ST6GALNAC3: variants seen among roughly 807,000 people sequenced by gnomAD.
The protein encoded by ST6GALNAC3 is alpha-N-acetylgalactosaminide alpha-2,6-sialyltransferase 3.
In ST6GALNAC3, 25 loss-of-function variants were observed where a neutral mutation model predicts 32.7. That is an observed-to-expected ratio of 0.76 (90% CI 0.56 to 1.07). The LOEUF (loss-of-function observed/expected upper bound fraction) is 1.07. Ranked by LOEUF, ST6GALNAC3 falls within the 50% of genes least tolerant of loss-of-function variation. ST6GALNAC3 has a pLI of 0.00. For missense variants in ST6GALNAC3, 355 were observed against 382.4 expected, an observed-to-expected ratio of 0.93 and a Z score of 0.60; for synonymous variants, 129 against 133.1, an observed-to-expected ratio of 0.97 and a Z score of 0.21.
Position 76,628,704 on chromosome 1 carries a change from C to T in ST6GALNAC3, c.816C>T (p.Ala272=). The change falls in exon 5 of 5, where the codon GCC becomes GCT. Residue 272 remains alanine, a synonymous_variant. Transcript: ENST00000328299. ...ECDEYFLHEH[A]PYGGHRFITE... The stretch of plus-strand genomic sequence containing the variant: ...ATGAATATTTTCTTCATGAACATGC[C>T]CCATATGGGGGTCATAGGTTTATCA... 6.2e-7 allele frequency: 1 copy of T among 1,612,178 alleles called. No homozygotes were observed. Among genetic ancestry groups the T allele is most frequent in the Non-Finnish European group, 8.5e-7 (1 of 1,178,978 alleles).
intron 1 of ST6GALNAC3, among the ~76,000 whole-genome samples, chr1:76,134,894 G>A (rs147586830): frequency 0.017 from 2,533 of 152,330 alleles, 79 homozygotes; most frequent in African/African-American, 0.057. Flanking sequence ...TGTAATCCCA[G>A]CACTTTGGGA....
chr1:76,550,495 T>G (rs1044475048), intron 3 of ST6GALNAC3, among the ~76,000 whole-genome samples: 1 of 152,182 alleles, frequency 6.6e-6, no homozygotes, highest in Admixed American at 6.5e-5. Flanking sequence ...TATGCTTCAG[T>G]GTTCTATTTT....
intron 2 of ST6GALNAC3, among the ~76,000 whole-genome samples, chr1:76,409,511 A>G (rs1021386785): frequency 6.6e-5 from 10 of 150,952 alleles, no homozygotes; most frequent in African/African-American, 2.2e-4. Context: ...AAGAACAAGC[A>G]TGTTTATCAA....
intron 1 of ST6GALNAC3, among the ~76,000 whole-genome samples, chr1:76,115,096 A>G (rs1648369300): frequency 6.6e-6 from 1 of 152,056 alleles, no homozygotes; most frequent in African/African-American, 2.4e-5. Context: ...CATGGTGTGT[A>G]TTTTGTTGTC....
chr1:76,305,021 T>C (rs1482650307), intron 1 of ST6GALNAC3, among the ~76,000 whole-genome samples: 1 of 152,090 alleles, frequency 6.6e-6, no homozygotes, highest in Non-Finnish European at 1.5e-5. Context: ...TGTTCCTGGT[T>C]AGTTAGCACC....
chr1:76,111,907 A>G (rs1451164823), intron 1 of ST6GALNAC3, among the ~76,000 whole-genome samples: 2 of 152,008 alleles, frequency 1.3e-5, no homozygotes, highest in South Asian at 2.1e-4. Flanking sequence ...TTTCTATTCC[A>G]CAAAACCGCC....
At chr1:76,089,226 A>T (rs141959455) in intron 1 of ST6GALNAC3, among the ~76,000 whole-genome samples, 6,855 of 151,798 alleles carry the variant, frequency 0.045, 535 homozygotes, top group African/African-American at 0.16. Context: ...TTATTTATTT[A>T]TTTTTTAGAA....
At chr1:76,169,910 T>A (rs1045477229) in intron 1 of ST6GALNAC3, among the ~76,000 whole-genome samples, 4 of 152,212 alleles carry the variant, frequency 2.6e-5, no homozygotes, top group African/African-American at 9.6e-5. Flanking sequence ...TTTGGAGGAA[T>A]GAAAGCACAC....
chr1:76,305,333 T>A (rs969338213), intron 1 of ST6GALNAC3, among the ~76,000 whole-genome samples: 2 of 152,064 alleles, frequency 1.3e-5, no homozygotes, highest in Admixed American at 1.3e-4. Context: ...GGGAGCCTAA[T>A]GAAGAAGATG....
chr1:76,613,204 T>G (rs542075417), intron 3 of ST6GALNAC3, among the ~76,000 whole-genome samples: 1 of 152,330 alleles, frequency 6.6e-6, no homozygotes, highest in African/African-American at 2.4e-5. Flanking sequence ...TTAGTTAAAT[T>G]GATATTTCCC....
chr1:76,112,542 G>A (rs552906519), intron 1 of ST6GALNAC3, among the ~76,000 whole-genome samples: 2 of 151,698 alleles, frequency 1.3e-5, no homozygotes, highest in Non-Finnish European at 2.9e-5. Flanking sequence ...CCTCCCGGAC[G>A]GGGTGGCTGC....
intron 2 of ST6GALNAC3, among the ~76,000 whole-genome samples, chr1:76,329,285 A>T (rs1476275692): frequency 6.6e-6 from 1 of 152,178 alleles, no homozygotes; most frequent in South Asian, 2.1e-4. Context: ...TGCAGGCTAC[A>T]TAGTCATGCC....
intron 1 of ST6GALNAC3, among the ~76,000 whole-genome samples, chr1:76,100,057 A>G (rs1647192860): frequency 6.6e-6 from 1 of 152,150 alleles, no homozygotes; most frequent in African/African-American, 2.4e-5. Context: ...TTTTGTTTAT[A>G]GCTGGTTTAT....
chr1:76,260,149 T>C (rs748003465), intron 1 of ST6GALNAC3, among the ~76,000 whole-genome samples: 55 of 152,054 alleles, frequency 3.6e-4, no homozygotes, highest in Non-Finnish European at 7.4e-4. Context: ...ACTCTTCACA[T>C]TTGGAGTAAT....
intron 1 of ST6GALNAC3, among the ~76,000 whole-genome samples, chr1:76,286,045 A>C (rs1370600406): frequency 6.6e-6 from 1 of 152,174 alleles, no homozygotes; most frequent in Non-Finnish European, 1.5e-5. Context: ...TGTCACAGGG[A>C]ACATTCTACT....
intron 1 of ST6GALNAC3, among the ~76,000 whole-genome samples, chr1:76,157,575 G>C (rs1411187484): frequency 1.3e-5 from 2 of 152,158 alleles, no homozygotes; most frequent in Admixed American, 6.5e-5. Context: ...TTTAGTGAGG[G>C]TTGTTCACAT....
intron 3 of ST6GALNAC3, among the ~76,000 whole-genome samples, chr1:76,415,989 A>G (rs371264301): frequency 5.3e-5 from 8 of 151,598 alleles, no homozygotes; most frequent in East Asian, 3.9e-4. Flanking sequence ...TGACAATCAC[A>G]GGTCTCAGAG....
At chr1:76,481,922 G>T (rs955377815) in intron 3 of ST6GALNAC3, among the ~76,000 whole-genome samples, 1 of 152,038 alleles carries the variant, frequency 6.6e-6, no homozygotes, top group African/African-American at 2.4e-5. Flanking sequence ...TAATCACTTG[G>T]CTATTTCCAA....
At chr1:76,208,264 C>T (rs982761196) in intron 1 of ST6GALNAC3, among the ~76,000 whole-genome samples, 1 of 152,362 alleles carries the variant, frequency 6.6e-6, no homozygotes, top group East Asian at 1.9e-4. Context: ...CTATAACTTG[C>T]AGGCTGTCCT....
Sources: gnomAD v4.1 joint callset for allele counts (sites outside exome capture counted in the v4.1 genomes callset) on GRCh38, gnomAD v4.1.1 for gene constraint, MANE v1.5 for transcripts, NCBI Gene and HGNC (gene_info 2026-07-23, HGNC 2026-07-21) for gene names.